Variants in WASF2 observed in about 807,000 individuals in gnomAD.
WASF2 encodes actin-binding protein WASF2.
A neutral mutation model predicts 45.0 loss-of-function variants in WASF2; 14 were observed. That is an observed-to-expected ratio of 0.31 (90% CI 0.21 to 0.49). The LOEUF (loss-of-function observed/expected upper bound fraction) is 0.49, where lower values mean the gene tolerates loss of function less well. Ranked by LOEUF, WASF2 falls within the 20% of genes least tolerant of loss-of-function variation. WASF2 has a pLI of 0.99. For synonymous variants in WASF2, 200 were observed against 236.3 expected, an observed-to-expected ratio of 0.85 and a Z score of 1.41; for missense variants, 439 against 636.1, an observed-to-expected ratio of 0.69 and a Z score of 3.33.
At chr1:27,467,884 C>A (rs937978768) in intron 1 of WASF2, among the ~76,000 whole-genome samples, 2 of 151,912 alleles carry the variant, frequency 1.3e-5, no homozygotes, top group Non-Finnish European at 2.9e-5. Flanking sequence ...TGCACTCCAG[C>A]CTGGGTGACA....
intron 1 of WASF2, among the ~76,000 whole-genome samples, chr1:27,478,799 G>A (rs1029853856): frequency 6.6e-6 from 1 of 151,810 alleles, no homozygotes; most frequent in African/African-American, 2.4e-5. Context: ...GGTCAGGCTG[G>A]TCTCCAATTC....
At chr1:27,449,278 G>A (rs567869009) in intron 1 of WASF2, among the ~76,000 whole-genome samples, 9 of 152,196 alleles carry the variant, frequency 5.9e-5, no homozygotes, top group South Asian at 2.1e-4. Flanking sequence ...CTACCACCAC[G>A]CTAGGTACCA....
Position 27,414,707 on chromosome 1 carries a change from A to G in WASF2, c.668+126T>C. On this transcript the variant is annotated intron_variant, in intron 6 of 8. Coordinates refer to ENST00000618852, the MANE Select transcript of WASF2 (RefSeq NM_006990.5). The surrounding 1 kb of genome is among the most constrained non-coding windows in gnomAD (Gnocchi z 4.1). Reference sequence around the variant, plus strand: ...ATGCACTTTAAAGTAGCTGATTAACAGTGGTATTGATCTAAGCCACAGAGA... The same window carrying G: ...ATGCACTTTAAAGTAGCTGATTAACGGTGGTATTGATCTAAGCCACAGAGA... 1 of 1,251,626 alleles carries G rather than the reference A, an allele frequency of 8.0e-7. No homozygotes were observed. The highest frequency in any genetic ancestry group is 1.1e-6 in the Non-Finnish European group (1 of 904,784). 77.5% of individuals were successfully genotyped at this position (1,251,626 alleles called of 1,614,324 possible). A position where few individuals can be genotyped will look rare whatever the true frequency, so the allele number is the denominator to read the frequency against.
chr1:27,454,173 ATATATATATATATATTTTTT>A (rs1196893697), intron 1 of WASF2, among the ~76,000 whole-genome samples: 122 of 62,296 alleles, frequency 2.0e-3, no homozygotes, highest in African/African-American at 7.7e-3. Context: ...ATATATATAT[ATATATATATATATATTTTTT>A]TTTTTTTTTT....
At position 27,418,402 on chromosome 1, in the gene WASF2, T is replaced by A. The variant is rs763695755; in HGVS notation, c.286A>T (p.Thr96Ser). 1 of 1,614,196 alleles carries A rather than the reference T, an allele frequency of 6.2e-7. No homozygotes were observed. Among genetic ancestry groups the A allele is most frequent in the South Asian group, 1.1e-5 (1 of 91,082 alleles). ...GTGGAACTTCTGAAGGCTTTTCGGG[T>A]GTTGATTCCTTGCAGTGACACTGAG... ...EEEVSLQGINTRKAFRSSTIQ... is the reference protein window; with the variant it reads ...EEEVSLQGINSRKAFRSSTIQ... The change falls in exon 4 of 9, where the codon ACC becomes TCC. Residue 96 changes from threonine to serine, a missense_variant. This residue lies in a region of WASF2 where 98 missense variants were observed against 120.7 expected (regional missense o/e 0.81). Transcript: ENST00000618852.
chr1:27,467,448 C>A (rs1314645654), intron 1 of WASF2, among the ~76,000 whole-genome samples: 1 of 149,668 alleles, frequency 6.7e-6, no homozygotes, highest in Non-Finnish European at 1.5e-5. Context: ...CTACAGGCAC[C>A]TGCCACCACG....
At chr1:27,476,932 A>C (rs2017773927) in intron 1 of WASF2, among the ~76,000 whole-genome samples, 1 of 152,230 alleles carries the variant, frequency 6.6e-6, no homozygotes, top group Non-Finnish European at 1.5e-5. Context: ...AAAATAGTTC[A>C]AACTATAATT....
At chr1:27,464,710 G>T (rs1385522993) in intron 1 of WASF2, among the ~76,000 whole-genome samples, 1 of 152,034 alleles carries the variant, frequency 6.6e-6, no homozygotes, top group Non-Finnish European at 1.5e-5. Flanking sequence ...AGCACTTCCA[G>T]CTTACTTTTA....
At chr1:27,461,630 T>G (rs1186830722) in intron 1 of WASF2, among the ~76,000 whole-genome samples, 1 of 149,174 alleles carries the variant, frequency 6.7e-6, no homozygotes, top group African/African-American at 2.5e-5. Context: ...GCCCAGCTAA[T>G]TTTTTTTTTT....
chr1:27,430,809 T>C (rs1349556630), intron 1 of WASF2, among the ~76,000 whole-genome samples: 1 of 149,528 alleles, frequency 6.7e-6, no homozygotes, highest in African/African-American at 2.5e-5. Context: ...TCTTTATATA[T>C]TTAAAAAAAA....
chr1:27,447,277 G>A (rs1442741867), intron 1 of WASF2, among the ~76,000 whole-genome samples: 2 of 152,158 alleles, frequency 1.3e-5, no homozygotes, highest in South Asian at 2.1e-4. Context: ...GTATCAATGG[G>A]CCATGTTTGT....
chr1:27,446,694 T>A (rs2017313788), intron 1 of WASF2, among the ~76,000 whole-genome samples: 1 of 150,700 alleles, frequency 6.6e-6, no homozygotes, highest in South Asian at 2.1e-4. Flanking sequence ...GGTGGGTGGA[T>A]CGCTTGAGCC....
intron 1 of WASF2, among the ~76,000 whole-genome samples, chr1:27,479,475 T>G (rs1292605859): frequency 2.0e-5 from 3 of 152,228 alleles, no homozygotes; most frequent in Non-Finnish European, 4.4e-5. Flanking sequence ...AAATCTCATC[T>G]TAAAAAAGAC....
intron 1 of WASF2, among the ~76,000 whole-genome samples, chr1:27,442,578 G>A (rs1369079792): frequency 6.6e-6 from 1 of 151,578 alleles, no homozygotes; most frequent in African/African-American, 2.4e-5. Flanking sequence ...ATAAAAATAG[G>A]CCAGGCGTGG....
chr1:27,427,959 G>A (rs2017010736), intron 2 of WASF2, among the ~76,000 whole-genome samples: 1 of 151,900 alleles, frequency 6.6e-6, no homozygotes, highest in Non-Finnish European at 1.5e-5. Flanking sequence ...AAGTCAACTT[G>A]ATTCAGAATG....
Position 27,407,732 on chromosome 1 carries a change from A to G in WASF2, c.*457T>C, listed in dbSNP as rs541403273. 6.4e-6 allele frequency: 1 copy of G among 156,010 alleles called. No homozygotes were observed. Among genetic ancestry groups the G allele is most frequent in the South Asian group, 1.9e-4 (1 of 5,176 alleles). 9.7% of individuals were successfully genotyped at this position (156,010 alleles called of 1,614,324 possible). ...ACCCTTCGGCCTACTCTGCCCTTTC[A>G]GTGCGCGGGAAAGGGGTCAGCTGTG... On this transcript the variant is annotated 3_prime_UTR_variant, in exon 9 of 9. Transcript: ENST00000618852.
At chr1:27,418,728 A>G (rs912384891) in intron 3 of WASF2, among the ~76,000 whole-genome samples, 2 of 152,172 alleles carry the variant, frequency 1.3e-5, no homozygotes, top group Non-Finnish European at 2.9e-5. Flanking sequence ...GGGAGGGGAA[A>G]TTTGAGAAAG....
At chr1:27,482,385 G>A (rs1467706532) in intron 1 of WASF2, among the ~76,000 whole-genome samples, 4 of 152,116 alleles carry the variant, frequency 2.6e-5, no homozygotes, top group Non-Finnish European at 5.9e-5. Context: ...GTGTTTATGC[G>A]GGGACATCAA....
chr1:27,436,059 C>T (rs2017132623), intron 1 of WASF2, among the ~76,000 whole-genome samples: 1 of 152,194 alleles, frequency 6.6e-6, no homozygotes, highest in Admixed American at 6.5e-5. Flanking sequence ...TTCAGCGTTT[C>T]CCACTGTTCT....
Sources: gnomAD v4.1 joint callset for allele counts (sites outside exome capture counted in the v4.1 genomes callset) on GRCh38, gnomAD v4.1.1 for gene constraint, gnomAD v4.1.1 regional missense constraint, Gnocchi (gnomAD v3.1) non-coding constraint, MANE v1.5 for transcripts, NCBI Gene and HGNC (gene_info 2026-07-23, HGNC 2026-07-21) for gene names.